BNC2: variants seen among roughly 807,000 people sequenced by gnomAD.
BNC2 encodes the protein basonuclin zinc finger protein 2.
Under a neutral mutation model 76.3 loss-of-function variants are expected in BNC2, and 20 were observed. The ratio of observed to expected loss-of-function variants is 0.26; its 90% CI spans 0.18 to 0.38. The LOEUF (loss-of-function observed/expected upper bound fraction) is 0.38, where lower values mean the gene tolerates loss of function less well. Ranked by LOEUF, BNC2 falls within the 10% of genes least tolerant of loss-of-function variation. The pLI is 1.00. For synonymous variants in BNC2, 582 were observed against 514.8 expected (o/e 1.13, Z -1.77); for missense variants, 1,382 against 1,399.8 (o/e 0.99, Z 0.20).
chr9:16,575,932 C>T (rs147630959), intron 4 of BNC2, among the ~76,000 whole-genome samples: 55 of 152,302 alleles, frequency 3.6e-4, no homozygotes, highest in African/African-American at 1.3e-3. Flanking sequence ...ACTAGAAAGA[C>T]AAATTCTTTA....
At chr9:16,800,951 A>G (rs1357278524) in intron 1 of BNC2, among the ~76,000 whole-genome samples, 4 of 152,222 alleles carry the variant, frequency 2.6e-5, no homozygotes, top group Admixed American at 2.6e-4. Context: ...AATAATAACC[A>G]AAAATTAAGT....
rs557656701 is a variant in BNC2 at position 16,844,848 on chromosome 9, A to G, written c.3+25798T>C. 6.6e-5 allele frequency among the ~76,000 whole-genome samples: 10 copies of G among 152,246 alleles called. No individual in the cohort carries two copies. The South Asian group carries it at 1.9e-3, about 28-fold the overall frequency. On this transcript the variant is annotated intron_variant, in intron 1 of 6. Coordinates refer to ENST00000380672, the MANE Select transcript of BNC2 (RefSeq NM_017637.6). ...TCCAGTCATTTCTGGGAAAGGTATTATTGGTATTTGGGGCAGAACAACTCA... is the reference window on the plus strand; with the variant it reads ...TCCAGTCATTTCTGGGAAAGGTATTGTTGGTATTTGGGGCAGAACAACTCA...
chr9:16,435,035 T>C (rs1466948494), intron 6 of BNC2: 1 of 471,540 alleles, frequency 2.1e-6, no homozygotes, highest in Non-Finnish European at 4.4e-6. Context: ...TGGTTATACC[T>C]ACGGAGATGC....
At chr9:16,833,025 A>G (rs1267969851) in intron 1 of BNC2, among the ~76,000 whole-genome samples, 1 of 137,328 alleles carries the variant, frequency 7.3e-6, no homozygotes, top group Non-Finnish European at 1.6e-5. Flanking sequence ...CGCCCTACCC[A>G]AATTCCTTCT....
intron 5 of BNC2, among the ~76,000 whole-genome samples, chr9:16,547,929 G>T (rs1267641543): frequency 6.6e-6 from 1 of 152,182 alleles, no homozygotes; most frequent in African/African-American, 2.4e-5. Flanking sequence ...GATCCAGTAT[G>T]TAGTTACTCC....
At chr9:16,660,376 C>T (rs1275707378) in intron 3 of BNC2, among the ~76,000 whole-genome samples, 11 of 151,964 alleles carry the variant, frequency 7.2e-5, no homozygotes, top group Admixed American at 6.6e-4. Context: ...ATAGCTTGAA[C>T]CTGGGAGGCA....
intron 1 of BNC2, among the ~76,000 whole-genome samples, chr9:16,739,555 C>G (rs1046356373): frequency 8.5e-5 from 13 of 152,100 alleles, no homozygotes; most frequent in South Asian, 6.2e-4. Flanking sequence ...GCCTGTAGTC[C>G]CAGCTACTTG....
intron 5 of BNC2, among the ~76,000 whole-genome samples, chr9:16,548,900 G>C (rs916010784): frequency 6.6e-6 from 1 of 152,172 alleles, no homozygotes; most frequent in African/African-American, 2.4e-5. Flanking sequence ...TTCTTAAGTA[G>C]TTGTAGTCCA....
chr9:16,583,887 C>T (rs954165148), intron 3 of BNC2, among the ~76,000 whole-genome samples: 1 of 152,036 alleles, frequency 6.6e-6, no homozygotes, highest in Non-Finnish European at 1.5e-5. Context: ...TCCTTATAAC[C>T]ACTTTAAAAA....
rs757377289 is a variant in BNC2, at chr9:16,780,518, G to A, written c.4-42033C>T. ...ACCCAGGAGGCGGAGGCTGCAGTGAGCCGAGATCACACCACTACACTCCAG... is the reference window on the plus strand; with the variant it reads ...ACCCAGGAGGCGGAGGCTGCAGTGAACCGAGATCACACCACTACACTCCAG... On this transcript the variant is annotated intron_variant, in intron 1 of 6. Transcript: ENST00000380672. 9.9e-4 allele frequency among the ~76,000 whole-genome samples: 150 copies of A among 151,152 alleles called. 1 individual carries two copies. Among genetic ancestry groups the A allele is most frequent in the Non-Finnish European group, 1.1e-3 (74 of 67,796 alleles).
chr9:16,718,228 C>G (rs531882575), intron 3 of BNC2, among the ~76,000 whole-genome samples: 1 of 152,202 alleles, frequency 6.6e-6, no homozygotes, highest in African/African-American at 2.4e-5. Context: ...GCCCTTATTC[C>G]CATAACACAT....
At chr9:16,519,082 G>A (rs1016521040) in intron 5 of BNC2, among the ~76,000 whole-genome samples, 2 of 152,128 alleles carry the variant, frequency 1.3e-5, no homozygotes, top group Non-Finnish European at 2.9e-5. Context: ...ACTGTGCTTC[G>A]TTTTCTTTTA....
Position 16,498,260 on chromosome 9 carries a change from CATATATATATTCCATCATAT to C in BNC2, c.669+54250_669+54269del, listed in dbSNP as rs1333499330. Among the ~76,000 whole-genome samples the C allele has an allele frequency of 5.2e-5, 6 of 114,994 alleles. 1 individual carries two copies. The highest frequency in any genetic ancestry group is 3.0e-4 in the South Asian group (1 of 3,290). 75.4% of individuals were successfully genotyped at this position (114,994 alleles called of 152,430 possible). A position where few individuals can be genotyped will look rare whatever the true frequency, so the allele number is the denominator to read the frequency against. Reference sequence around the variant, plus strand: ...TCCATCATATATATATATATTCCATCATATATATATTCCATCATATATATATATATTCCATCATATATATA... The same window carrying C: ...TCCATCATATATATATATATTCCATCATATATATATTCCATCATATATATA... On this transcript the variant is annotated intron_variant, in intron 5 of 6. Coordinates refer to ENST00000380672, the MANE Select transcript of BNC2 (RefSeq NM_017637.6).
At chr9:16,455,287 T>G (rs1821422852) in intron 5 of BNC2, among the ~76,000 whole-genome samples, 1 of 152,204 alleles carries the variant, frequency 6.6e-6, no homozygotes, top group South Asian at 2.1e-4. Context: ...AGAGAGCATC[T>G]TTTACAGAAG....
intron 4 of BNC2, among the ~76,000 whole-genome samples, chr9:16,558,849 A>C (rs972117691): frequency 2.0e-5 from 3 of 150,776 alleles, no homozygotes; most frequent in Non-Finnish European, 4.4e-5. Context: ...CAGGAGAATC[A>C]CTTGAACCCG....
intron 3 of BNC2, among the ~76,000 whole-genome samples, chr9:16,676,528 G>C (rs1184762756): frequency 1.3e-5 from 2 of 152,238 alleles, no homozygotes; most frequent in Admixed American, 6.5e-5. Context: ...TGTATGTTAA[G>C]TTGGTTGTCC....
intron 1 of BNC2, among the ~76,000 whole-genome samples, chr9:16,798,493 A>G (rs1586892760): frequency 6.6e-6 from 1 of 152,338 alleles, no homozygotes; most frequent in African/African-American, 2.4e-5. Context: ...TTCAGAGGTT[A>G]AAAGTACTAA....
At chr9:16,550,258 T>TA (rs1435204441) in intron 5 of BNC2, among the ~76,000 whole-genome samples, 3 of 140,104 alleles carry the variant, frequency 2.1e-5, no homozygotes, top group African/African-American at 9.7e-5. Context: ...ATTATGAGAG[T>TA]TTTTTTTTAA....
At chr9:16,725,985 A>ACACAC (rs1824304189) in intron 3 of BNC2, among the ~76,000 whole-genome samples, 2 of 142,304 alleles carry the variant, frequency 1.4e-5, no homozygotes, top group African/African-American at 5.4e-5. Context: ...CTTCCCTTCT[A>ACACAC]ACACACACAC....
Sources: allele counts gnomAD v4.1 joint callset (sites outside exome capture counted in the v4.1 genomes callset), GRCh38; gene constraint gnomAD v4.1.1; transcripts MANE v1.5; gene names NCBI Gene and HGNC (gene_info 2026-07-23, HGNC 2026-07-21).